FCGR1A: variants seen among roughly 807,000 people sequenced by gnomAD.
FCGR1A encodes the protein Fc gamma receptor Ia.
In FCGR1A, 13 loss-of-function variants were observed where a neutral mutation model predicts 35.0. The ratio of observed to expected loss-of-function variants is 0.37; its 90% CI spans 0.24 to 0.59. FCGR1A has a LOEUF of 0.59. FCGR1A is among the 20% of genes least tolerant of loss of function. The probability of loss-of-function intolerance (pLI) is 0.71; values close to 1 mark genes in which losing one functional copy is unlikely to be tolerated. For missense variants in FCGR1A, 227 were observed against 430.0 expected (o/e 0.53, Z 4.17); for synonymous variants, 91 against 164.7 (o/e 0.55, Z 3.43).
chr1:149,789,420 TG>T (rs1553751386), intron 4 of FCGR1A, among the ~76,000 whole-genome samples: 4 of 144,890 alleles, frequency 2.8e-5, no homozygotes, highest in African/African-American at 1.1e-4. Context: ...ATAATAATAA[TG>T]ATGATAATAA....
At chr1:149,789,949 C>A (rs1287846316) in intron 4 of FCGR1A, 105 bp from the exon 5 acceptor site, 9 of 1,606,076 alleles carry the variant, frequency 5.6e-6, no homozygotes, top group African/African-American at 1.3e-5. Context: ...CTTATGGATG[C>A]ATTTTCTAGG....
At chr1:149,785,420 T>G (rs1174241521) in intron 3 of FCGR1A, among the ~76,000 whole-genome samples, 11 of 135,162 alleles carry the variant, frequency 8.1e-5, no homozygotes, top group Non-Finnish European at 1.6e-4. Flanking sequence ...TTTTTTTTTT[T>G]TTTTTTTTTT....
At chr1:149,784,374 T>G in intron 3 of FCGR1A, 117 bp downstream of exon 3, 1 of 1,601,570 alleles carries the variant, frequency 6.2e-7, no homozygotes, top group Non-Finnish European at 8.5e-7. Flanking sequence ...CTCAGCACTA[T>G]GTACCTACCA....
the FCGR1A span, among the ~76,000 whole-genome samples, chr1:149,798,329 T>C: frequency 6.7e-6 from 1 of 149,646 alleles, no homozygotes; most frequent in East Asian, 1.9e-4. Context: ...AATGTAACTT[T>C]CCTATTTTGA....
Position 149,784,274 on chromosome 1 carries a change from C to T in FCGR1A, c.307+17C>T, listed in dbSNP as rs1553750550. 1.2e-6 allele frequency: 2 copies of T among 1,609,944 alleles called. No homozygotes were observed. The highest frequency in any genetic ancestry group is 2.7e-5 in the African/African-American group (2 of 72,992). ...TCCACAGAGGTAATTATGACTTGGA[C>T]CAGGAGGGCCGGAAACCACAAGGTC... On this transcript the variant is annotated intron_variant, in intron 3 of 5. Transcript: ENST00000369168.
At chr1:149,787,353 T>C (rs1358145149) in intron 3 of FCGR1A, 2 of 152,220 alleles carry the variant, frequency 1.3e-5, no homozygotes, top group Non-Finnish European at 2.9e-5. Flanking sequence ...CAACTGCCTC[T>C]GGAGAAAAGA....
At chr1:149,796,303 G>A (rs1390800955), downstream of FCGR1A, among the ~76,000 whole-genome samples, 6 of 152,196 alleles carry the variant, frequency 3.9e-5, no homozygotes, top group Non-Finnish European at 7.3e-5. Context: ...GGAGTTAATG[G>A]AGAAAGAAAA....
chr1:149,784,527 G>A (rs1440715041), intron 3 of FCGR1A, among the ~76,000 whole-genome samples: 1 of 151,918 alleles, frequency 6.6e-6, no homozygotes, highest in Non-Finnish European at 1.5e-5. Context: ...CCAAATGTAT[G>A]CCTGTACATA....
the FCGR1A span, among the ~76,000 whole-genome samples, chr1:149,798,513 T>C: frequency 6.6e-6 from 1 of 152,016 alleles, no homozygotes; most frequent in South Asian, 2.1e-4. Flanking sequence ...GTATGTATCC[T>C]TGTTAAATGC....
intron 4 of FCGR1A, 55 bp from the exon 5 acceptor site, chr1:149,789,999 A>G: frequency 6.2e-7 from 1 of 1,613,282 alleles, no homozygotes; most frequent in South Asian, 1.1e-5. Context: ...GTCTTTTGTG[A>G]AAAGGACCTG....
At chr1:149,799,177 T>C in the FCGR1A span, among the ~76,000 whole-genome samples, 3 of 142,506 alleles carry the variant, frequency 2.1e-5, no homozygotes, top group Non-Finnish European at 3.0e-5. Context: ...ATTGCTGGAA[T>C]AGAATTCTGA....
the FCGR1A span, among the ~76,000 whole-genome samples, chr1:149,798,388 C>G: frequency 6.6e-6 from 1 of 151,362 alleles, no homozygotes; most frequent in East Asian, 1.9e-4. Flanking sequence ...TCTTATTAAC[C>G]GTGTTCTTCA....
the FCGR1A span, among the ~76,000 whole-genome samples, chr1:149,797,725 G>C: frequency 6.6e-6 from 1 of 152,044 alleles, no homozygotes; most frequent in African/African-American, 2.4e-5. Context: ...GGCCTCCCTA[G>C]CAGTTCGAAC....
At chr1:149,783,043 G>C in intron 1 of FCGR1A, 127 bp from the exon 2 acceptor site, 1 of 264,674 alleles carries the variant, frequency 3.8e-6, no homozygotes, top group Non-Finnish European at 6.9e-6. Context: ...TTTTGAGAAA[G>C]AGAAATAGAA....
chr1:149,791,718 C>A (rs1281547968), downstream of FCGR1A: 33 of 655,956 alleles, frequency 5.0e-5, no homozygotes, highest in Non-Finnish European at 8.5e-5. Context: ...TGAAATGAGG[C>A]CTACTCTAAA....
chr1:149,792,589 T>G (rs782536576), downstream of FCGR1A: 113 of 1,201,736 alleles, frequency 9.4e-5, 7 homozygotes, highest in African/African-American at 1.8e-3. Context: ...GCTCCGAGCG[T>G]GTCCCGCGGC....
At chr1:149,792,983 G>A (rs781908333), downstream of FCGR1A, 19 of 1,276,636 alleles carry the variant, frequency 1.5e-5, no homozygotes, top group South Asian at 2.1e-4. Context: ...AGGGCCCGCG[G>A]CCTCCCCAGG....
the FCGR1A span, among the ~76,000 whole-genome samples, chr1:149,799,938 TAC>T: frequency 6.6e-6 from 1 of 152,086 alleles, no homozygotes; most frequent in Non-Finnish European, 1.5e-5. Flanking sequence ...CAGCTGAGTG[TAC>T]TCCAATTCAA....
Position 149,788,544 on chromosome 1 carries a change from C to T in FCGR1A, c.486C>T (p.His162=). ...NLTILKTNIS[H]NGTYHCSGMG... is the part of the protein sequence containing the mutation. The stretch of plus-strand genomic sequence containing the variant: ...CCATTCTGAAAACCAACATAAGTCA[C>T]AATGGCACCTACCATTGCTCAGGCA... The change falls in exon 4 of 6, where the codon CAC becomes CAT. Residue 162 remains histidine, a synonymous_variant. Transcript: ENST00000369168. The T allele has an allele frequency of 6.2e-7, 1 of 1,613,944 alleles. No individual in the cohort carries two copies. The highest frequency in any genetic ancestry group is 2.2e-5 in the East Asian group (1 of 44,880).
Sources: allele counts gnomAD v4.1 joint callset (sites outside exome capture counted in the v4.1 genomes callset), GRCh38; gene constraint gnomAD v4.1.1; transcripts MANE v1.5; gene names NCBI Gene and HGNC (gene_info 2026-07-23, HGNC 2026-07-21).